PACRG: variants seen among roughly 807,000 people sequenced by gnomAD.
PACRG encodes the protein parkin coregulated gene protein.
A neutral mutation model predicts 29.7 loss-of-function variants in PACRG; 29 were observed. The observed-to-expected ratio is 0.98, with a 90% CI of 0.73 to 1.33. The LOEUF (loss-of-function observed/expected upper bound fraction) is 1.33. Among genes scored for constraint, PACRG ranks in the 40% most tolerant of loss-of-function variants. The pLI is 0.00. For missense variants in PACRG, 279 were observed against 316.2 expected (o/e 0.88, Z 0.89); for synonymous variants, 116 against 118.7 (o/e 0.98, Z 0.15).
chr6:162,739,432 T>G (rs575928209), intron 1 of PACRG, among the ~76,000 whole-genome samples: 7 of 152,326 alleles, frequency 4.6e-5, no homozygotes, highest in African/African-American at 1.7e-4. Context: ...CATATTTTCT[T>G]GCAGTTAGCG....
At chr6:162,863,539 G>C (rs1792042722) in intron 2 of PACRG, among the ~76,000 whole-genome samples, 1 of 152,224 alleles carries the variant, frequency 6.6e-6, no homozygotes, top group Non-Finnish European at 1.5e-5. Context: ...CATAGCAGAG[G>C]CTAAGCTACA....
At chr6:163,018,057 C>A (rs991379724) in intron 2 of PACRG, among the ~76,000 whole-genome samples, 1 of 152,196 alleles carries the variant, frequency 6.6e-6, no homozygotes, top group South Asian at 2.1e-4. Flanking sequence ...ATTTTTATCC[C>A]TTTCTCTTAG....
chr6:163,065,807 G>A (rs1015928568), intron 3 of PACRG, among the ~76,000 whole-genome samples: 1 of 152,190 alleles, frequency 6.6e-6, no homozygotes, highest in Non-Finnish European at 1.5e-5. Flanking sequence ...AAATGCCGTA[G>A]TAGAACTAAA....
At chr6:163,255,395 C>T (rs970006442) in intron 4 of PACRG, among the ~76,000 whole-genome samples, 3 of 152,122 alleles carry the variant, frequency 2.0e-5, no homozygotes, top group Admixed American at 1.3e-4. Flanking sequence ...AGGTGACTGA[C>T]GGGCAGCAGC....
chr6:163,154,199 G>T (rs1778221528), intron 4 of PACRG, among the ~76,000 whole-genome samples: 1 of 150,814 alleles, frequency 6.6e-6, no homozygotes, highest in African/African-American at 2.5e-5. Flanking sequence ...GTGCCCCCAG[G>T]GTTGCTCAGC....
At chr6:162,897,804 A>G (rs955791362) in intron 2 of PACRG, among the ~76,000 whole-genome samples, 1 of 152,216 alleles carries the variant, frequency 6.6e-6, no homozygotes, top group Non-Finnish European at 1.5e-5. Context: ...TTCTGGTCCT[A>G]TAAGCTTCAG....
intron 2 of PACRG, among the ~76,000 whole-genome samples, chr6:162,903,426 A>G (rs1247937514): frequency 6.6e-6 from 1 of 152,216 alleles, no homozygotes; most frequent in African/African-American, 2.4e-5. Context: ...ATAAAGAAAA[A>G]GAGGTTTAAT....
chr6:162,975,461 G>A (rs940812365), intron 2 of PACRG, among the ~76,000 whole-genome samples: 2 of 152,134 alleles, frequency 1.3e-5, no homozygotes, highest in African/African-American at 4.8e-5. Flanking sequence ...CCTTGTACAG[G>A]ATATCTGCTC....
At chr6:163,123,747 C>T (rs186109439) in intron 4 of PACRG, among the ~76,000 whole-genome samples, 2 of 152,324 alleles carry the variant, frequency 1.3e-5, no homozygotes, top group African/African-American at 4.8e-5. Flanking sequence ...AGAGGAATCA[C>T]TCAGTATTTC....
chr6:162,828,410 G>A (rs1481618186), intron 2 of PACRG, among the ~76,000 whole-genome samples: 3 of 152,096 alleles, frequency 2.0e-5, no homozygotes, highest in African/African-American at 7.2e-5. Flanking sequence ...TGTCCAATTG[G>A]TGCTCATGTA....
At chr6:163,169,800 A>G (rs539051155) in intron 4 of PACRG, among the ~76,000 whole-genome samples, 6 of 152,318 alleles carry the variant, frequency 3.9e-5, no homozygotes, top group Admixed American at 6.5e-5. Context: ...CTGGTTGCCC[A>G]GCCAGCCACA....
rs1351985802 is a variant in PACRG at position 162,728,053 on chromosome 6, AG to A, written c.-180del. 1.3e-6 allele frequency: 1 copy of A among 741,294 alleles called. No individual in the cohort carries two copies. Among genetic ancestry groups the A allele is most frequent in the African/African-American group, 1.8e-5 (1 of 57,034 alleles). The allele number at this position is 741,294 out of a possible 1,614,324, so 45.9% of individuals were successfully genotyped here. The stretch of plus-strand genomic sequence containing the variant: ...CCTGCCCTCTTCCCGCCCCGCCCCT[AG>A]GGTCCAGCTCCCTTCACCTAGGAGC... On this transcript the variant is annotated 5_prime_UTR_variant, in exon 1 of 5. Transcript: ENST00000366888.
chr6:162,745,574 A>G (rs1277231132), intron 1 of PACRG, among the ~76,000 whole-genome samples: 1 of 152,226 alleles, frequency 6.6e-6, no homozygotes, highest in Non-Finnish European at 1.5e-5. Flanking sequence ...AAAAATCTCT[A>G]TGCGACATTG....
chr6:163,216,408 G>A (rs551739954), intron 4 of PACRG, among the ~76,000 whole-genome samples: 26 of 152,288 alleles, frequency 1.7e-4, no homozygotes, highest in African/African-American at 5.5e-4. Context: ...TGAAACCATC[G>A]ATTCACAGGC....
At chr6:162,759,443 A>T (rs1782178578) in intron 1 of PACRG, among the ~76,000 whole-genome samples, 1 of 152,234 alleles carries the variant, frequency 6.6e-6, no homozygotes, top group Admixed American at 6.5e-5. Context: ...GGTCATTGAG[A>T]AAATAAGCAG....
chr6:162,896,030 C>T (rs1192219027), intron 2 of PACRG, among the ~76,000 whole-genome samples: 1 of 152,104 alleles, frequency 6.6e-6, no homozygotes, highest in Non-Finnish European at 1.5e-5. Context: ...TCATCAAAAG[C>T]TTGATTGCTC....
At chr6:162,884,831 C>G (rs1196813112) in intron 2 of PACRG, among the ~76,000 whole-genome samples, 1 of 152,136 alleles carries the variant, frequency 6.6e-6, no homozygotes, top group Non-Finnish European at 1.5e-5. Context: ...ACCTAAAAGT[C>G]TCAGCGCTAA....
intron 2 of PACRG, among the ~76,000 whole-genome samples, chr6:162,977,549 C>G (rs929096328): frequency 1.3e-5 from 2 of 151,986 alleles, no homozygotes; most frequent in Non-Finnish European, 2.9e-5. Context: ...CGAACCCCAT[C>G]CCACCCTTCT....
At chr6:162,981,371 G>A (rs887742956) in intron 2 of PACRG, among the ~76,000 whole-genome samples, 4 of 150,910 alleles carry the variant, frequency 2.7e-5, no homozygotes, top group African/African-American at 9.8e-5. Flanking sequence ...TAAAGAAAAT[G>A]TGATATATAT....
Sources: gnomAD v4.1 joint callset for allele counts (sites outside exome capture counted in the v4.1 genomes callset) on GRCh38, gnomAD v4.1.1 for gene constraint, MANE v1.5 for transcripts, NCBI Gene and HGNC (gene_info 2026-07-23, HGNC 2026-07-21) for gene names.